Variants in CSMD1 observed in about 807,000 individuals in gnomAD.
The protein encoded by CSMD1 is CUB and Sushi multiple domains 1.
A neutral mutation model predicts 417.5 loss-of-function variants in CSMD1; 213 were observed. The ratio of observed to expected loss-of-function variants is 0.51; its 90% CI spans 0.46 to 0.57. CSMD1 has a LOEUF of 0.57. CSMD1 is among the 20% of genes least tolerant of loss of function. CSMD1 has a pLI of 0.00. For missense variants in CSMD1, 6,923 were observed against 4,529.7 expected, an observed-to-expected ratio of 1.53 and a Z score of -15.17; for synonymous variants, 2,862 against 1,736.8, an observed-to-expected ratio of 1.65 and a Z score of -16.11.
At chr8:3,575,666 G>T (rs1800121665) in intron 9 of CSMD1, among the ~76,000 whole-genome samples, 1 of 151,816 alleles carries the variant, frequency 6.6e-6, no homozygotes. Context: ...ACGCAAATAG[G>T]AACTTAAAAT....
At chr8:4,842,723 A>G (rs962727182) in intron 1 of CSMD1, among the ~76,000 whole-genome samples, 2 of 152,240 alleles carry the variant, frequency 1.3e-5, no homozygotes, top group African/African-American at 2.4e-5. Context: ...ACTAGAACAA[A>G]AGAGTTTTTG....
At chr8:3,699,393 T>C (rs1410704953) in intron 7 of CSMD1, among the ~76,000 whole-genome samples, 1 of 152,174 alleles carries the variant, frequency 6.6e-6, no homozygotes, top group East Asian at 1.9e-4. Flanking sequence ...ATACAACACA[T>C]AACATTTTGA....
intron 2 of CSMD1, among the ~76,000 whole-genome samples, chr8:4,536,559 C>G (rs536287605): frequency 1.3e-5 from 2 of 152,318 alleles, no homozygotes; most frequent in East Asian, 3.9e-4. Context: ...CTCCTTCTTA[C>G]AGCAGCATCG....
chr8:3,670,481 T>A (rs932650557), intron 7 of CSMD1, among the ~76,000 whole-genome samples: 44 of 146,560 alleles, frequency 3.0e-4, no homozygotes, highest in Non-Finnish European at 5.5e-4. Context: ...CCCATATATA[T>A]ATATCCCGTA....
chr8:3,914,104 T>G (rs1480718980), intron 5 of CSMD1, among the ~76,000 whole-genome samples: 3 of 152,182 alleles, frequency 2.0e-5, no homozygotes, highest in African/African-American at 7.2e-5. Flanking sequence ...GTAAGTGCCT[T>G]GTCTTCAGCG....
chr8:4,294,596 C>A (rs989785827), intron 3 of CSMD1, among the ~76,000 whole-genome samples: 1 of 152,076 alleles, frequency 6.6e-6, no homozygotes, highest in African/African-American at 2.4e-5. Context: ...GAAACCAGGT[C>A]TAAGGACTAC....
chr8:2,982,345 G>C (rs970826073), intron 54 of CSMD1, among the ~76,000 whole-genome samples: 2 of 152,120 alleles, frequency 1.3e-5, no homozygotes, highest in Non-Finnish European at 2.9e-5. Context: ...GACAGAGCGA[G>C]ACTCTGTCTC....
At chr8:4,683,823 C>G (rs1229434019) in intron 1 of CSMD1, among the ~76,000 whole-genome samples, 1 of 152,086 alleles carries the variant, frequency 6.6e-6, no homozygotes, top group Non-Finnish European at 1.5e-5. Flanking sequence ...AAAATAAGAA[C>G]AAGTAGACAA....
intron 1 of CSMD1, among the ~76,000 whole-genome samples, chr8:4,753,691 C>G (rs1037206996): frequency 6.6e-6 from 1 of 152,128 alleles, no homozygotes; most frequent in Non-Finnish European, 1.5e-5. Context: ...TCTCTTCTGA[C>G]CTTCTGCTCC....
At chr8:4,736,826 T>A (rs541347487) in intron 1 of CSMD1, among the ~76,000 whole-genome samples, 17 of 152,314 alleles carry the variant, frequency 1.1e-4, no homozygotes, top group African/African-American at 3.8e-4. Context: ...CTGTGCTGTC[T>A]GATTTGTGGG....
intron 18 of CSMD1, among the ~76,000 whole-genome samples, chr8:3,379,461 C>G (rs1420536450): frequency 6.6e-6 from 1 of 152,142 alleles, no homozygotes; most frequent in Admixed American, 6.6e-5. Context: ...GCCAAAAGAA[C>G]ATAGTTGGAG....
At chr8:4,067,237 T>C (rs1453074284) in intron 3 of CSMD1, among the ~76,000 whole-genome samples, 1 of 152,222 alleles carries the variant, frequency 6.6e-6, no homozygotes, top group African/African-American at 2.4e-5. Context: ...AGTCAGATGT[T>C]CAAGACAGAT....
In CSMD1 at chr8:4,233,510, C is replaced by A. The variant is rs1483807403; in HGVS notation, c.415+186443G>T. Reference sequence around the variant, plus strand: ...GAGCTTTCATGAACGGGATTAGTGCCCTTATAAAAGAGGACGCAGAGAGCT... The same window carrying A: ...GAGCTTTCATGAACGGGATTAGTGCACTTATAAAAGAGGACGCAGAGAGCT... On this transcript the variant is annotated intron_variant, in intron 3 of 69. Coordinates refer to ENST00000635120, the MANE Select transcript of CSMD1 (RefSeq NM_033225.6). 3.3e-5 allele frequency among the ~76,000 whole-genome samples: 5 copies of A among 152,158 alleles called. No individual in the cohort carries two copies. In the Middle Eastern group the frequency reaches 0.017, roughly 518 times the overall value.
chr8:4,655,008 G>A (rs1486643429), intron 1 of CSMD1, among the ~76,000 whole-genome samples: 2 of 146,832 alleles, frequency 1.4e-5, no homozygotes, highest in East Asian at 2.0e-4. Context: ...TGAAAATGAG[G>A]CCAAGCATTT....
chr8:3,725,570 C>G (rs17067163), intron 6 of CSMD1, among the ~76,000 whole-genome samples: 7,438 of 152,030 alleles, frequency 0.049, 218 homozygotes, highest in Middle Eastern at 0.11. Flanking sequence ...TAAGTAGAAA[C>G]AGTTGAGGAG....
chr8:3,741,143 G>A (rs918328359), intron 6 of CSMD1, among the ~76,000 whole-genome samples: 1 of 149,584 alleles, frequency 6.7e-6, no homozygotes, highest in Non-Finnish European at 1.5e-5. Context: ...GAAGCTGGGA[G>A]GTGGAGGTTG....
intron 8 of CSMD1, among the ~76,000 whole-genome samples, chr8:3,613,570 T>C (rs1714886155): frequency 6.6e-6 from 1 of 152,078 alleles, no homozygotes; most frequent in South Asian, 2.1e-4. Flanking sequence ...AAATTAATAT[T>C]ATTTCAGAAT....
At chr8:4,595,045 A>C (rs1800181594) in intron 2 of CSMD1, among the ~76,000 whole-genome samples, 1 of 152,214 alleles carries the variant, frequency 6.6e-6, no homozygotes, top group Admixed American at 6.5e-5. Flanking sequence ...TGTCACTAAC[A>C]AACCTTAGAG....
At chr8:4,557,673 A>G (rs925787001) in intron 2 of CSMD1, among the ~76,000 whole-genome samples, 4 of 152,118 alleles carry the variant, frequency 2.6e-5, no homozygotes, top group Non-Finnish European at 5.9e-5. Flanking sequence ...AAAGGAAGCA[A>G]GGAAGAAAGG....
Sources: allele counts gnomAD v4.1 joint callset (sites outside exome capture counted in the v4.1 genomes callset), GRCh38; gene constraint gnomAD v4.1.1; transcripts MANE v1.5; gene names NCBI Gene and HGNC (gene_info 2026-07-23, HGNC 2026-07-21).